Variants in LAIR2 observed in about 807,000 individuals in gnomAD.
LAIR2 encodes leukocyte associated immunoglobulin like receptor 2.
In LAIR2, 14 loss-of-function variants were observed where a neutral mutation model predicts 14.8. The observed-to-expected ratio is 0.95, with a 90% CI of 0.62 to 1.48. The LOEUF (loss-of-function observed/expected upper bound fraction) is 1.48, where lower values mean the gene tolerates loss of function less well. Among genes scored for constraint, LAIR2 ranks in the 40% most tolerant of loss-of-function variants. The pLI is 0.00. For missense variants in LAIR2, 172 were observed against 180.9 expected (o/e 0.95, Z 0.28); for synonymous variants, 75 against 74.5 (o/e 1.01, Z -0.03).
At chr19:54,503,659 C>A (rs1304455471) in intron 1 of LAIR2, 41 bp from the exon 2 acceptor site, 1 of 1,613,702 alleles carries the variant, frequency 6.2e-7, no homozygotes, top group Admixed American at 1.7e-5. Flanking sequence ...TGTAAGGAGA[C>A]TGGGCAGTGG....
intron 3 of LAIR2, 54 bp downstream of exon 3, chr19:54,508,238 C>T: frequency 6.4e-7 from 1 of 1,553,728 alleles, no homozygotes; most frequent in Non-Finnish European, 8.7e-7. Flanking sequence ...TCGAGCTTGT[C>T]CCGAGGTCCC....
intron 2 of LAIR2, among the ~76,000 whole-genome samples, chr19:54,506,299 A>AATC (rs1388950833): frequency 6.6e-6 from 1 of 152,158 alleles, no homozygotes; most frequent in Non-Finnish European, 1.5e-5. Flanking sequence ...GAACGCTTAG[A>AATC]ATCACCTGGA....
intron 2 of LAIR2, among the ~76,000 whole-genome samples, chr19:54,506,774 A>T (rs2085371721): frequency 6.6e-6 from 1 of 152,234 alleles, no homozygotes; most frequent in South Asian, 2.1e-4. Flanking sequence ...AGAAAGAAAA[A>T]TGAACAAATG....
chr19:54,506,967 A>G (rs920492610), intron 2 of LAIR2, among the ~76,000 whole-genome samples: 4 of 152,068 alleles, frequency 2.6e-5, no homozygotes, highest in African/African-American at 9.7e-5. Flanking sequence ...GTGAGGTTAT[A>G]TTAATTAGCT....
chr19:54,503,570 T>C (rs904595380), intron 1 of LAIR2, 130 bp from the exon 2 acceptor site: 57 of 1,037,336 alleles, frequency 5.5e-5, no homozygotes, highest in South Asian at 1.2e-4. Context: ...GAGACAGTGA[T>C]GTCGAGGAGG....
At chr19:54,508,497 C>T (rs1458396177) in intron 3 of LAIR2, among the ~76,000 whole-genome samples, 1 of 151,074 alleles carries the variant, frequency 6.6e-6, no homozygotes, top group African/African-American at 2.4e-5. Flanking sequence ...TAGGGGGCAA[C>T]CCCCCTACAA....
intron 2 of LAIR2, among the ~76,000 whole-genome samples, chr19:54,506,013 C>T (rs754367770): frequency 2.6e-5 from 4 of 151,838 alleles, no homozygotes; most frequent in Non-Finnish European, 5.9e-5. Flanking sequence ...TTAGTAGAGA[C>T]GGGGATTCAC....
At chr19:54,507,002 A>G (rs2085375500) in intron 2 of LAIR2, among the ~76,000 whole-genome samples, 1 of 152,076 alleles carries the variant, frequency 6.6e-6, no homozygotes, top group South Asian at 2.1e-4. Context: ...CACAGTGTAT[A>G]CCTGTATCAA....
At position 54,508,201 on chromosome 19, in the gene LAIR2, G is replaced by C; in HGVS notation, c.364+17G>C. On this transcript the variant is annotated intron_variant, in intron 3 of 4. Coordinates refer to ENST00000301202, the MANE Select transcript of LAIR2 (RefSeq NM_002288.6). ...TGGTGAAAGGTGAGGACGTCACCTG[G>C]GCCCTGCCCCAGTCTCAGCTCGACC... 1 of 1,599,342 alleles carries C rather than the reference G, an allele frequency of 6.3e-7. No individual in the cohort carries two copies. The highest frequency in any genetic ancestry group is 8.5e-7 in the Non-Finnish European group (1 of 1,172,210).
chr19:54,502,939 T>C lies in LAIR2; in HGVS notation c.21T>C (p.Ala7=), dbSNP rs143266047. Residue 7 remains alanine, a synonymous_variant, in exon 1 of 5, where the codon GCT becomes GCC. Transcript: ENST00000301202. The stretch of plus-strand genomic sequence containing the variant: ...GGGCCATGTCTCCACACCTCACTGC[T>C]CTCCTGGGCCTAGGTGAGTCCTGGA... MSPHLT[A]LLGLVLCLAQ... The C allele has an allele frequency of 1.4e-4, 231 of 1,613,734 alleles. No individual in the cohort carries two copies. Among genetic ancestry groups the C allele is most frequent in the Middle Eastern group, 5.0e-4 (3 of 6,060 alleles).
At position 54,507,884 on chromosome 19, in the gene LAIR2, C is replaced by T. The variant is rs1393182562; in HGVS notation, c.71-7C>T. 3 of 1,611,756 alleles carry T rather than the reference C, an allele frequency of 1.9e-6. No individual in the cohort carries two copies. The highest frequency in any genetic ancestry group is 2.5e-6 in the Non-Finnish European group (3 of 1,178,572). On this transcript the variant is annotated splice_region_variant and splice_polypyrimidine_tract_variant and intron_variant, in intron 2 of 4. Coordinates refer to ENST00000301202, the MANE Select transcript of LAIR2 (RefSeq NM_002288.6). ...GACGCTGAGATCCTTCTTTGCTTCC[C>T]TCTTAGGGGCCCTTCCCAGACCCTC...
At position 54,510,601 on chromosome 19, in the gene LAIR2, T is replaced by A. The variant is rs1360162620; in HGVS notation, c.*32T>A. The A allele has an allele frequency of 6.2e-7, 1 of 1,612,252 alleles. No individual in the cohort carries two copies. The highest frequency in any genetic ancestry group is 2.2e-5 in the East Asian group (1 of 44,882). On this transcript the variant is annotated 3_prime_UTR_variant, in exon 5 of 5. Coordinates refer to ENST00000301202, the MANE Select transcript of LAIR2 (RefSeq NM_002288.6). ...AGAAATGGCCTCCCGTCTTGTGAAC[T>A]TCAATGGGGAGAAATAATTAGAATG...
intron 4 of LAIR2, among the ~76,000 whole-genome samples, chr19:54,510,315 C>A (rs1240839416): frequency 1.3e-5 from 2 of 151,062 alleles, no homozygotes; most frequent in African/African-American, 4.9e-5. Flanking sequence ...GGTTCTGCCA[C>A]CCCCTGGCTC....
rs1278362610 is a variant in LAIR2, at chr19:54,508,017, C to A, written c.197C>A (p.Ala66Asp). 6.2e-7 allele frequency: 1 copy of A among 1,614,150 alleles called. No individual in the cohort carries two copies. The highest frequency in any genetic ancestry group is 8.5e-7 in the Non-Finnish European group (1 of 1,180,024). ...TTCCGCCTGGAGAGGGAGGATAGAGCCAAGTACAAAGATAGTTATAATGTG... is the reference window on the plus strand; with the variant it reads ...TTCCGCCTGGAGAGGGAGGATAGAGACAAGTACAAAGATAGTTATAATGTG... The part of the protein sequence containing the change: ...QTFRLEREDR[A>D]KYKDSYNVFR... The change falls in exon 3 of 5, where the codon GCC becomes GAC. Residue 66 changes from alanine (A) to aspartate (D), a missense_variant. By Grantham distance (126) the Ala-to-Asp change is moderately radical. This residue lies in a region of LAIR2 where 161 missense variants were observed against 149.0 expected (regional missense o/e 1.08). Transcript: ENST00000301202.
intron 2 of LAIR2, among the ~76,000 whole-genome samples, chr19:54,507,336 C>A (rs547397723): frequency 2.0e-5 from 3 of 151,238 alleles, no homozygotes; most frequent in East Asian, 1.9e-4. Context: ...GGACCTGTCA[C>A]GGGCTGGGCA....
chr19:54,508,223 G>A (rs2277973), intron 3 of LAIR2, 39 bp downstream of exon 3: 722,877 of 1,577,950 alleles, frequency 0.46, 168,275 homozygotes, highest in South Asian at 0.49. Context: ...GTCTCAGCTC[G>A]ACCCTCGAGC....
At chr19:54,504,712 C>A (rs902099961) in intron 2 of LAIR2, among the ~76,000 whole-genome samples, 1 of 152,120 alleles carries the variant, frequency 6.6e-6, no homozygotes, top group Non-Finnish European at 1.5e-5. Flanking sequence ...CAAGTTCAAG[C>A]GATTCTCCTG....
chr19:54,505,597 T>A (rs2085351114), intron 2 of LAIR2, among the ~76,000 whole-genome samples: 1 of 152,156 alleles, frequency 6.6e-6, no homozygotes, highest in Non-Finnish European at 1.5e-5. Context: ...AATTTTCATT[T>A]AATATCTCAT....
chr19:54,507,037 A>G lies in LAIR2; in HGVS notation c.71-854A>G, dbSNP rs557854383. On this transcript the variant is annotated intron_variant, in intron 2 of 4. Coordinates refer to ENST00000301202, the MANE Select transcript of LAIR2 (RefSeq NM_002288.6). ...AAACATCATGTTGTACACCTTAAAT[A>G]CATGCAGTTTTAATTTGTCAATAAT... Among the ~76,000 whole-genome samples the G allele has an allele frequency of 3.5e-3, 524 of 151,602 alleles. 2 individuals carry two copies. Among genetic ancestry groups the G allele is most frequent in the African/African-American group, 0.012 (502 of 41,312 alleles).
Sources: allele counts gnomAD v4.1 joint callset (sites outside exome capture counted in the v4.1 genomes callset), GRCh38; gene constraint gnomAD v4.1.1; regional missense constraint gnomAD v4.1.1; transcripts MANE v1.5; gene names NCBI Gene and HGNC (gene_info 2026-07-23, HGNC 2026-07-21).